Variants in PLCG2 observed in about 807,000 individuals in gnomAD.
The protein encoded by PLCG2 is 1-phosphatidylinositol 4,5-bisphosphate phosphodiesterase gamma-2.
A neutral mutation model predicts 175.6 loss-of-function variants in PLCG2; 69 were observed. That is an observed-to-expected ratio of 0.39 (90% confidence interval 0.32 to 0.48). The LOEUF is 0.48. Among genes scored for constraint, PLCG2 ranks in the 20% least tolerant of loss-of-function variants. PLCG2 has a pLI of 0.91. For missense variants in PLCG2, 1,798 were observed against 1,650.9 expected, an observed-to-expected ratio of 1.09 and a Z score of -1.54; for synonymous variants, 827 against 624.0, an observed-to-expected ratio of 1.33 and a Z score of -4.85.
intron 2 of PLCG2, among the ~76,000 whole-genome samples, chr16:81,773,699 A>AT (rs2143115284): frequency 6.6e-6 from 1 of 152,274 alleles, no homozygotes; most frequent in Non-Finnish European, 1.5e-5. Context: ...CAGGGGTCCC[A>AT]TCTAACCAGG....
At chr16:81,914,593 T>C (rs752455722) in intron 19 of PLCG2, among the ~76,000 whole-genome samples, 8 of 152,182 alleles carry the variant, frequency 5.3e-5, no homozygotes, top group Non-Finnish European at 8.8e-5. Context: ...TAGAAGTTAA[T>C]AGATGTTTGG....
intron 2 of PLCG2, among the ~76,000 whole-genome samples, chr16:81,839,386 A>C (rs112004836): frequency 1.3e-5 from 2 of 152,160 alleles, no homozygotes; most frequent in Non-Finnish European, 2.9e-5. Context: ...GTCTTTGTAT[A>C]ATGAGAGTTT....
chr16:81,787,629 T>C (rs1207700066), intron 2 of PLCG2, among the ~76,000 whole-genome samples: 2 of 151,662 alleles, frequency 1.3e-5, no homozygotes, highest in African/African-American at 4.9e-5. Flanking sequence ...AGTGTGGTGG[T>C]TTTAGTATAT....
intron 26 of PLCG2, 81 bp from the exon 27 acceptor site, chr16:81,936,088 G>T (rs1910698668): frequency 6.4e-7 from 1 of 1,555,652 alleles, no homozygotes; most frequent in African/African-American, 1.4e-5. Flanking sequence ...TATAATCTGA[G>T]CATCCAGCCA....
Position 81,869,590 on chromosome 16 carries a change from A to G in PLCG2, c.564+292A>G, listed in dbSNP as rs1005934211. On this transcript the variant is annotated intron_variant, in intron 6 of 32. Coordinates refer to ENST00000564138, the MANE Select transcript of PLCG2 (RefSeq NM_002661.5). ...CAGCTTTCCCTATTTCCCTGACCAT[A>G]CTGCAGCCCATTTTTTCCCTAGTGA... 5.9e-5 allele frequency among the ~76,000 whole-genome samples: 9 copies of G among 152,122 alleles called. 1 individual carries two copies. Among genetic ancestry groups the G allele is most frequent in the Non-Finnish European group, 1.5e-5 (1 of 68,020 alleles).
At chr16:81,883,413 G>T in intron 9 of PLCG2, 72 bp downstream of exon 9, 2 of 1,263,212 alleles carry the variant, frequency 1.6e-6, no homozygotes, top group Non-Finnish European at 1.1e-6. Context: ...TCACCCTTCT[G>T]CCGCCTGTGC....
At chr16:81,886,524 G>A (rs11646981) in intron 9 of PLCG2, among the ~76,000 whole-genome samples, 83,378 of 152,108 alleles carry the variant, frequency 0.55, 24,764 homozygotes, top group South Asian at 0.69. Flanking sequence ...GGAAATAATG[G>A]CAGCATTTTT....
At chr16:81,851,507 TTTGTTGTTG>T (rs898563784) in intron 2 of PLCG2, among the ~76,000 whole-genome samples, 3 of 151,856 alleles carry the variant, frequency 2.0e-5, no homozygotes, top group Non-Finnish European at 4.4e-5. Flanking sequence ...ACATGGCCTT[TTTGTTGTTG>T]TTGTTGTTGT....
intron 10 of PLCG2, 62 bp from the exon 11 acceptor site, chr16:81,891,410 A>G: frequency 1.0e-6 from 1 of 959,432 alleles, no homozygotes; most frequent in East Asian, 2.4e-5. Context: ...CAGACCAGAA[A>G]CAAGCAGACA....
chr16:81,945,857 G>A (rs1164332156), intron 30 of PLCG2, among the ~76,000 whole-genome samples: 1 of 152,208 alleles, frequency 6.6e-6, no homozygotes, highest in Non-Finnish European at 1.5e-5. Context: ...TTAAGGAATT[G>A]AACCACAGCT....
At chr16:81,931,367 C>T in intron 24 of PLCG2, 130 bp from the exon 25 acceptor site, 1 of 754,478 alleles carries the variant, frequency 1.3e-6, no homozygotes, top group Admixed American at 2.6e-5. Flanking sequence ...GTAGACGTCC[C>T]CATCAGTGCT....
chr16:81,790,956 G>T (rs1189069725), intron 2 of PLCG2, among the ~76,000 whole-genome samples: 3 of 152,098 alleles, frequency 2.0e-5, no homozygotes, highest in Admixed American at 2.0e-4. Context: ...GTGGTGCAGG[G>T]GTTGAGAAAC....
chr16:81,777,148 TA>T (rs1365253063), upstream of PLCG2, among the ~76,000 whole-genome samples: 1 of 152,200 alleles, frequency 6.6e-6, no homozygotes, highest in Non-Finnish European at 1.5e-5. Flanking sequence ...TTCATGTTCT[TA>T]TTTTTTTGCT....
At chr16:81,774,142 G>A (rs924502950) in intron 2 of PLCG2, among the ~76,000 whole-genome samples, 6 of 132,904 alleles carry the variant, frequency 4.5e-5, no homozygotes, top group Non-Finnish European at 7.8e-5. Context: ...GATCAGCCTG[G>A]GTAACACGGT....
At chr16:81,856,288 G>A (rs187030332) in intron 3 of PLCG2, among the ~76,000 whole-genome samples, 49 of 152,268 alleles carry the variant, frequency 3.2e-4, no homozygotes, top group African/African-American at 1.1e-3. Flanking sequence ...GTTCCATGAG[G>A]TGTTTGCACT....
chr16:81,910,809 A>G (rs1010135834), intron 18 of PLCG2, 89 bp downstream of exon 18: 4 of 1,278,260 alleles, frequency 3.1e-6, no homozygotes, highest in Non-Finnish European at 4.5e-6. Flanking sequence ...CAGCCGGGCC[A>G]GTCCCCCAGG....
intron 2 of PLCG2, among the ~76,000 whole-genome samples, chr16:81,817,709 C>G (rs1288411240): frequency 6.6e-6 from 1 of 152,308 alleles, no homozygotes; most frequent in Admixed American, 6.5e-5. Context: ...TGGTCTAAAA[C>G]TCCCAGACTC....
chr16:81,957,085 G>T (rs1259704844), intron 32 of PLCG2, among the ~76,000 whole-genome samples: 2 of 152,078 alleles, frequency 1.3e-5, no homozygotes, highest in Admixed American at 6.5e-5. Context: ...GATCACCTGA[G>T]GTCAGGAGTT....
chr16:81,907,660 C>G lies in PLCG2; in HGVS notation c.1468-25C>G, dbSNP rs1055751348. ...TTGATGAGGTAGAGGACTTGGGGGGCACTAATACCAGTTTCACTTTCTAGA... is the reference window on the plus strand; with the variant it reads ...TTGATGAGGTAGAGGACTTGGGGGGGACTAATACCAGTTTCACTTTCTAGA... On this transcript the variant is annotated intron_variant, in intron 15 of 32. Coordinates refer to ENST00000564138, the MANE Select transcript of PLCG2 (RefSeq NM_002661.5). 4.5e-6 allele frequency: 7 copies of G among 1,561,176 alleles called. No homozygotes were observed. In the Admixed American group the frequency reaches 1.0e-4, roughly 22 times the overall value.
Sources: allele counts gnomAD v4.1 joint callset (sites outside exome capture counted in the v4.1 genomes callset), GRCh38; gene constraint gnomAD v4.1.1; transcripts MANE v1.5; gene names NCBI Gene and HGNC (gene_info 2026-07-23, HGNC 2026-07-21).